The following KIF23 variants were observed in gnomAD, a reference collection of about 807,000 sequenced individuals.
KIF23 encodes the protein kinesin family member 23, also known as kinesin-like protein KIF23.
KIF23 carries 30 observed loss-of-function variants against 137.5 expected under a neutral mutation model. The ratio of observed to expected loss-of-function variants is 0.22; its 90% CI spans 0.16 to 0.30. The LOEUF (loss-of-function observed/expected upper bound fraction) is 0.30, where lower values mean the gene tolerates loss of function less well. KIF23 is among the 10% of genes least tolerant of loss of function. KIF23 has a pLI of 1.00. For missense variants in KIF23, 920 were observed against 1,194.3 expected (o/e 0.77, Z 3.38); for synonymous variants, 367 against 391.1 (o/e 0.94, Z 0.73).
At chr15:69,441,854 A>G (rs1248888990) in intron 19 of KIF23, among the ~76,000 whole-genome samples, 3 of 151,690 alleles carry the variant, frequency 2.0e-5, no homozygotes, top group Non-Finnish European at 2.9e-5. Context: ...CTGCAGCCTC[A>G]GTCTTCCTGA....
intron 10 of KIF23, chr15:69,427,637 A>T (rs2057234373): frequency 2.9e-6 from 1 of 341,590 alleles, no homozygotes; most frequent in Non-Finnish European, 5.8e-6. Context: ...TATGCAGATC[A>T]CTATTTACTG....
chr15:69,425,984 G>A, intron 8 of KIF23, 86 bp from the exon 9 acceptor site: 1 of 444,408 alleles, frequency 2.3e-6, no homozygotes, highest in Non-Finnish European at 3.8e-6. Context: ...AACATGTCAT[G>A]TCACTTGGCG....
rs2057692318 is a variant in KIF23 at position 69,444,110 on chromosome 15, GC to G, written c.2422-679del. 6.6e-6 allele frequency: 1 copy of G among 152,042 alleles called. No homozygotes were observed. Among genetic ancestry groups the G allele is most frequent in the Admixed American group, 6.6e-5 (1 of 15,260 alleles). The allele number at this position is 152,042 out of a possible 1,614,324, so 9.4% of individuals were successfully genotyped here. A position where few individuals can be genotyped will look rare whatever the true frequency, so the allele number is the denominator to read the frequency against. ...GGCATGTACCACCATGCCTGGCCTA[GC>G]AACTAGTCTTTTATTGTGTGATAGA... On this transcript the variant is annotated intron_variant, in intron 19 of 23. Coordinates refer to ENST00000679126, the MANE Select transcript of KIF23 (RefSeq NM_001367805.3). This position sits in a 1 kb window ranked among gnomAD's most constrained non-coding sequence, Gnocchi z 4.2.
Position 69,447,767 on chromosome 15 carries a change from C to CTT in KIF23, c.2910-24_2910-23insTT, listed in dbSNP as rs779368601. 30 of 1,598,422 alleles carry CTT rather than the reference C, an allele frequency of 1.9e-5. No homozygotes were observed. The South Asian group carries it at 3.3e-4, about 17-fold the overall frequency. On this transcript the variant is annotated intron_variant, in intron 23 of 23. Coordinates refer to ENST00000679126, the MANE Select transcript of KIF23 (RefSeq NM_001367805.3). Reference sequence around the variant, plus strand: ...GTGTTACTAATTGCAAAGTTCAACTCTAAGTGCTGGTTGTTATGTTTTAGG... The same window carrying CTT: ...GTGTTACTAATTGCAAAGTTCAACTCTTTAAGTGCTGGTTGTTATGTTTTAGG...
At chr15:69,439,474 G>T (rs2140395025) in intron 16 of KIF23, among the ~76,000 whole-genome samples, 1 of 152,266 alleles carries the variant, frequency 6.6e-6, no homozygotes, top group Non-Finnish European at 1.5e-5. Context: ...TTACAATGGG[G>T]TAGAAGGAAA....
chr15:69,429,512 G>T (rs1409544630), intron 11 of KIF23, among the ~76,000 whole-genome samples: 1 of 151,920 alleles, frequency 6.6e-6, no homozygotes, highest in Non-Finnish European at 1.5e-5. Flanking sequence ...TCCTTATGTT[G>T]CCCAGGCTGG....
Position 69,440,975 on chromosome 15 carries a change from T to A in KIF23, c.2317T>A (p.Cys773Ser), listed in dbSNP as rs1390425180. ...GCAGGAGCCAGGACAAAGCAAAACTTGTATCGTGTCAGACAGAAGGCGAGG... is the reference window on the plus strand; with the variant it reads ...GCAGGAGCCAGGACAAAGCAAAACTAGTATCGTGTCAGACAGAAGGCGAGG... Reference protein sequence around the residue: ...RQQEPGQSKTCIVSDRRRGMY... With the variant: ...RQQEPGQSKTSIVSDRRRGMY... The change falls in exon 19 of 24, where the codon TGT (cysteine) becomes AGT (serine). Residue 773 changes from cysteine to serine, a missense_variant. Transcript: ENST00000679126. The A allele has an allele frequency of 2.5e-6, 4 of 1,614,122 alleles. No homozygotes were observed. The highest frequency in any genetic ancestry group is 3.4e-6 in the Non-Finnish European group (4 of 1,180,028).
chr15:69,444,826 C>T lies in KIF23; in HGVS notation c.2458C>T (p.Arg820Cys). 1 of 1,614,184 alleles carries T rather than the reference C, an allele frequency of 6.2e-7. No homozygotes were observed. The highest frequency in any genetic ancestry group is 8.5e-7 in the Non-Finnish European group (1 of 1,180,030). ...ACCTGATCAGAACGCACCACCAATT[C>T]GTCTCCGACACAGACGATCACGCTC... The part of the protein sequence containing the change: ...FQPDQNAPPI[R>C]LRHRRSRSAG... The change falls in exon 20 of 24, where the codon CGT (arginine) becomes TGT (cysteine). Residue 820 changes from arginine to cysteine, a missense_variant. By Grantham distance (180) the Arg-to-Cys change is radical (BLOSUM62 -3). Transcript: ENST00000679126. The surrounding 1 kb of genome is among the most constrained non-coding windows in gnomAD (Gnocchi z 4.2).
Position 69,434,559 on chromosome 15 carries a change from T to G in KIF23, c.1115-924T>G. 13 of 1,019,634 alleles carry G rather than the reference T, an allele frequency of 1.3e-5. No homozygotes were observed. In the South Asian group the frequency reaches 1.7e-4, roughly 13 times the overall value. 63.2% of individuals were successfully genotyped at this position (1,019,634 alleles called of 1,614,324 possible). A position where few individuals can be genotyped will look rare whatever the true frequency, so the allele number is the denominator to read the frequency against. ...TTTTCTTTAACTGGTTCAACTCCCT[T>G]TGTTGTCCTGGTCAAGATAACATCT... On this transcript the variant is annotated intron_variant, in intron 11 of 23. Transcript: ENST00000679126.
In KIF23 at chr15:69,435,487, T is replaced by C. The variant is rs1175789369; in HGVS notation, c.1119T>C (p.Asn373=). 5 of 1,612,774 alleles carry C rather than the reference T, an allele frequency of 3.1e-6. No individual in the cohort carries two copies. The highest frequency in any genetic ancestry group is 4.2e-6 in the Non-Finnish European group (5 of 1,179,054). The change falls in exon 12 of 24, where the codon AAT becomes AAC. Residue 373 remains asparagine, a synonymous_variant. Transcript: ENST00000679126. Reference sequence around the variant, plus strand: ...CTATGTATTTTTTTCTGTCAGGTAATATTAATCAGTCACTAATGACGCTAA... The same window carrying C: ...CTATGTATTTTTTTCTGTCAGGTAACATTAATCAGTCACTAATGACGCTAA... ...AEGNRLREAG[N]INQSLMTLRT...
At chr15:69,443,490 T>C (rs2140413034) in intron 19 of KIF23, 1 of 150,596 alleles carries the variant, frequency 6.6e-6, no homozygotes, top group East Asian at 2.0e-4. Context: ...AGGCATGTGC[T>C]ATCGCACCTG....
Position 69,421,749 on chromosome 15 carries a change from A to T in KIF23, c.313A>T (p.Asn105Tyr), listed in dbSNP as rs61752336. Reference sequence around the variant, plus strand: ...GGTCAATGACCTCATTCATGGCAAAAATGGTATGATATGACTCTTGGAGTT... The same window carrying T: ...GGTCAATGACCTCATTCATGGCAAATATGGTATGATATGACTCTTGGAGTT... ...PLVNDLIHGK[N>Y]GLLFTYGVTG... The change falls in exon 4 of 24, where the codon AAT (asparagine) becomes TAT (tyrosine). Residue 105 changes from asparagine to tyrosine, a missense_variant. Physicochemically the swap from Asn to Tyr is moderately radical, Grantham distance 143. Coordinates refer to ENST00000679126, the MANE Select transcript of KIF23 (RefSeq NM_001367805.3). 2.2e-4 allele frequency: 345 copies of T among 1,602,560 alleles called. No individual in the cohort carries two copies. Among genetic ancestry groups the T allele is most frequent in the Non-Finnish European group, 2.7e-4 (312 of 1,169,760 alleles).
chr15:69,441,131 T>G, intron 19 of KIF23, 52 bp downstream of exon 19: 1 of 1,468,748 alleles, frequency 6.8e-7, no homozygotes, highest in African/African-American at 1.4e-5. Context: ...TTATCTTCTT[T>G]GTTTTTTGTA....
chr15:69,426,353 A>G lies in KIF23; in HGVS notation c.907A>G (p.Ile303Val), dbSNP rs2057191073. ...VFWRGQKKRR[I>V]ANTHLNRESS... ...TGTCCTAGGCCAGAAAAAGAGACGTATTGCTAATACCCATTTGAATCGTGA... is the reference window on the plus strand; with the variant it reads ...TGTCCTAGGCCAGAAAAAGAGACGTGTTGCTAATACCCATTTGAATCGTGA... Residue 303 changes from isoleucine to valine, a missense_variant, in exon 10 of 24, where the codon ATT becomes GTT. Coordinates refer to ENST00000679126, the MANE Select transcript of KIF23 (RefSeq NM_001367805.3). The G allele has an allele frequency of 5.6e-6, 9 of 1,614,146 alleles. No homozygotes were observed. The highest frequency in any genetic ancestry group is 7.6e-6 in the Non-Finnish European group (9 of 1,180,020).
intron 21 of KIF23, 51 bp from the exon 22 acceptor site, chr15:69,446,232 C>T: frequency 6.5e-7 from 1 of 1,542,690 alleles, no homozygotes; most frequent in Non-Finnish European, 9.0e-7. Flanking sequence ...TAATATTTTT[C>T]CTCTTCTTAG....
intron 11 of KIF23, chr15:69,434,627 T>C: frequency 1.4e-6 from 2 of 1,423,362 alleles, no homozygotes; most frequent in Non-Finnish European, 2.0e-6. Flanking sequence ...GTTGATGATG[T>C]AGGGGATGGA....
intron 3 of KIF23, among the ~76,000 whole-genome samples, chr15:69,420,956 G>A (rs1290360124): frequency 6.6e-6 from 1 of 152,122 alleles, no homozygotes; most frequent in Non-Finnish European, 1.5e-5. Flanking sequence ...GAAAAACTAG[G>A]AAACAGTAAA....
chr15:69,444,505 G>A lies in KIF23; in HGVS notation c.2422-285G>A, dbSNP rs994481197. 10 of 359,418 alleles carry A rather than the reference G, an allele frequency of 2.8e-5. No homozygotes were observed. The highest frequency in any genetic ancestry group is 8.9e-5 in the Admixed American group (2 of 22,380). The allele number at this position is 359,418 out of a possible 1,614,324, so 22.3% of individuals were successfully genotyped here. A position where few individuals can be genotyped will look rare whatever the true frequency, so the allele number is the denominator to read the frequency against. Reference sequence around the variant, plus strand: ...ATCAAGAATATGAAATGAGTTGTTTGTCCTGAACCACCCCCAAGCAGGAAA... The same window carrying A: ...ATCAAGAATATGAAATGAGTTGTTTATCCTGAACCACCCCCAAGCAGGAAA... On this transcript the variant is annotated intron_variant, in intron 19 of 23. Transcript: ENST00000679126. This position sits in a 1 kb window ranked among gnomAD's most constrained non-coding sequence, Gnocchi z 4.2.
intron 11 of KIF23, among the ~76,000 whole-genome samples, chr15:69,433,726 TTTTTA>T (rs2057407720): frequency 6.6e-6 from 1 of 152,000 alleles, no homozygotes. Flanking sequence ...ATTTATTTAT[TTTTTA>T]TTTTATTTTA....
Sources: gnomAD v4.1 joint callset for allele counts (sites outside exome capture counted in the v4.1 genomes callset) on GRCh38, gnomAD v4.1.1 for gene constraint, Gnocchi (gnomAD v3.1) non-coding constraint, MANE v1.5 for transcripts, NCBI Gene and HGNC (gene_info 2026-07-23, HGNC 2026-07-21) for gene names.